ACOXL: variants seen among roughly 807,000 people sequenced by gnomAD.
ACOXL encodes the protein acyl-coenzyme A oxidase-like protein.
A neutral mutation model predicts 71.9 loss-of-function variants in ACOXL; 70 were observed. The ratio of observed to expected loss-of-function variants is 0.97; its 90% confidence interval spans 0.80 to 1.19. The LOEUF is 1.19. Ranked by LOEUF, ACOXL falls within the 50% of genes most tolerant of loss-of-function variation. The pLI, the probability that ACOXL is intolerant of heterozygous loss-of-function variation, is 0.00. For synonymous variants in ACOXL, 253 were observed against 281.6 expected, an observed-to-expected ratio of 0.90 and a Z score of 1.02; for missense variants, 703 against 736.3, an observed-to-expected ratio of 0.95 and a Z score of 0.52.
intron 11 of ACOXL, among the ~76,000 whole-genome samples, chr2:110,918,522 G>A (rs537276258): frequency 1.4e-4 from 21 of 152,244 alleles, no homozygotes; most frequent in African/African-American, 5.1e-4. Context: ...AACACCAAAA[G>A]CAATGGCAAC....
chr2:110,937,719 T>C (rs1216052012), intron 12 of ACOXL, among the ~76,000 whole-genome samples: 3 of 152,184 alleles, frequency 2.0e-5, no homozygotes, highest in South Asian at 2.1e-4. Context: ...TTTTTTGGGT[T>C]GTAGGACTAG....
chr2:110,742,427 C>T (rs1049223068), intron 1 of ACOXL, among the ~76,000 whole-genome samples: 14 of 152,086 alleles, frequency 9.2e-5, no homozygotes, highest in African/African-American at 2.7e-4. Flanking sequence ...TTCTTCTTTC[C>T]TTGGCAAGAA....
intron 12 of ACOXL, among the ~76,000 whole-genome samples, chr2:110,986,162 T>G (rs1257674862): frequency 6.6e-6 from 1 of 152,200 alleles, no homozygotes; most frequent in Non-Finnish European, 1.5e-5. Context: ...AATAAACAAA[T>G]AGAATTCTAC....
intron 10 of ACOXL, among the ~76,000 whole-genome samples, chr2:110,904,728 G>A (rs2059375710): frequency 6.6e-6 from 1 of 152,068 alleles, no homozygotes; most frequent in African/African-American, 2.4e-5. Flanking sequence ...GGAAAATGTG[G>A]GCAAGAGCCT....
intron 12 of ACOXL, among the ~76,000 whole-genome samples, chr2:110,977,689 C>G (rs186531589): frequency 6.6e-6 from 1 of 152,186 alleles, no homozygotes; most frequent in East Asian, 1.9e-4. Context: ...CAGGACTCCA[C>G]GTGTGAGATT....
At chr2:111,060,832 A>G (rs1384768897) in intron 16 of ACOXL, among the ~76,000 whole-genome samples, 1 of 152,236 alleles carries the variant, frequency 6.6e-6, no homozygotes, top group Non-Finnish European at 1.5e-5. Context: ...GTAAATATAA[A>G]CAACCAAATG....
At chr2:111,071,024 G>T (rs1382724215) in intron 16 of ACOXL, among the ~76,000 whole-genome samples, 2 of 152,114 alleles carry the variant, frequency 1.3e-5, no homozygotes, top group Non-Finnish European at 2.9e-5. Flanking sequence ...AGACTTAGAA[G>T]GAAAAGCTCA....
intron 5 of ACOXL, among the ~76,000 whole-genome samples, chr2:110,794,597 C>G (rs543522988): frequency 6.6e-6 from 1 of 152,304 alleles, no homozygotes; most frequent in East Asian, 1.9e-4. Flanking sequence ...GCCACCTTAT[C>G]AGGAGCTGAG....
intron 17 of ACOXL, among the ~76,000 whole-genome samples, chr2:111,095,588 G>A (rs952524521): frequency 6.6e-6 from 1 of 151,772 alleles, no homozygotes; most frequent in Non-Finnish European, 1.5e-5. Flanking sequence ...ACAGGGTTTC[G>A]CCATGCTGTC....
Position 110,796,890 on chromosome 2 carries a change from C to T in ACOXL, c.346-1720C>T, listed in dbSNP as rs184496977. Among the ~76,000 whole-genome samples, 17 of 152,306 alleles carry T rather than the reference C, an allele frequency of 1.1e-4. No individual in the cohort carries two copies. The East Asian group carries it at 2.5e-3, about 22-fold the overall frequency. On this transcript the variant is annotated intron_variant, in intron 5 of 17. Transcript: ENST00000439055. Reference sequence around the variant, plus strand: ...CTTCAAGACTGTATTTCTTGGCCAGCGGGAAAGTGTTGTCTATATACTTTA... The same window carrying T: ...CTTCAAGACTGTATTTCTTGGCCAGTGGGAAAGTGTTGTCTATATACTTTA...
At position 111,049,202 on chromosome 2, in the gene ACOXL, A is replaced by G; in HGVS notation, c.1370-16A>G. 10 of 1,598,118 alleles carry G rather than the reference A, an allele frequency of 6.3e-6. No individual in the cohort carries two copies. The highest frequency in any genetic ancestry group is 8.6e-6 in the Non-Finnish European group (10 of 1,165,598). On this transcript the variant is annotated splice_polypyrimidine_tract_variant and intron_variant, in intron 15 of 17. Transcript: ENST00000439055. The stretch of plus-strand genomic sequence containing the variant: ...GGAAGTGAAGTCATTCACAATTTCC[A>G]TTTCTTCCCTTCCAGTTACCTTAGA...
At chr2:110,899,934 G>A (rs1026598261) in intron 10 of ACOXL, among the ~76,000 whole-genome samples, 1 of 152,054 alleles carries the variant, frequency 6.6e-6, no homozygotes, top group Non-Finnish European at 1.5e-5. Flanking sequence ...GCAACGCATT[G>A]TGCTAGGAGG....
chr2:110,773,784 C>T (rs1682287727), intron 2 of ACOXL, among the ~76,000 whole-genome samples: 1 of 152,218 alleles, frequency 6.6e-6, no homozygotes, highest in African/African-American at 2.4e-5. Context: ...GGCCACTTGG[C>T]CAGCACTTTG....
At chr2:110,776,972 C>T (rs978975550) in intron 2 of ACOXL, among the ~76,000 whole-genome samples, 1 of 151,694 alleles carries the variant, frequency 6.6e-6, no homozygotes, top group African/African-American at 2.4e-5. Flanking sequence ...GAAGGTCAAG[C>T]AGTAGACAGA....
chr2:110,867,887 C>T (rs752768048), intron 10 of ACOXL, among the ~76,000 whole-genome samples: 37 of 152,082 alleles, frequency 2.4e-4, no homozygotes, highest in Admixed American at 2.4e-3. Flanking sequence ...CTCAGCCTCC[C>T]GAGTAGCTGG....
At chr2:110,898,254 A>T (rs966813765) in intron 10 of ACOXL, among the ~76,000 whole-genome samples, 1 of 152,184 alleles carries the variant, frequency 6.6e-6, no homozygotes, top group Non-Finnish European at 1.5e-5. Context: ...AAAGTTAGCC[A>T]TATACTGATC....
intron 9 of ACOXL, among the ~76,000 whole-genome samples, chr2:110,840,415 TCA>T (rs917525946): frequency 1.1e-4 from 17 of 152,204 alleles, no homozygotes; most frequent in African/African-American, 4.1e-4. Flanking sequence ...ATTTTTCCTA[TCA>T]CACAATAGGC....
At chr2:110,981,991 A>G (rs2062725555) in intron 12 of ACOXL, among the ~76,000 whole-genome samples, 1 of 152,228 alleles carries the variant, frequency 6.6e-6, no homozygotes, top group South Asian at 2.1e-4. Context: ...GACACCAACA[A>G]GGTCCAGATT....
intron 12 of ACOXL, among the ~76,000 whole-genome samples, chr2:110,966,454 G>T (rs2061934612): frequency 6.6e-6 from 1 of 152,180 alleles, no homozygotes; most frequent in Non-Finnish European, 1.5e-5. Context: ...CCCACCCTTG[G>T]TGTCTGTGGG....
Sources: allele counts gnomAD v4.1 joint callset (sites outside exome capture counted in the v4.1 genomes callset), GRCh38; gene constraint gnomAD v4.1.1; transcripts MANE v1.5; gene names NCBI Gene and HGNC (gene_info 2026-07-23, HGNC 2026-07-21).